Variants in FAM210A observed in about 807,000 individuals in gnomAD.
FAM210A encodes the protein family with sequence similarity 210 member A.
In FAM210A, 13 loss-of-function variants were observed where a neutral mutation model predicts 25.3. That is an observed-to-expected ratio of 0.51 (90% confidence interval 0.33 to 0.82). The LOEUF (loss-of-function observed/expected upper bound fraction) is 0.82. FAM210A is among the 40% of genes least tolerant of loss of function. The pLI is 0.02. For missense variants in FAM210A, 319 were observed against 323.2 expected (o/e 0.99, Z 0.10); for synonymous variants, 125 against 118.7 (o/e 1.05, Z -0.35).
intron 2 of FAM210A, among the ~76,000 whole-genome samples, chr18:13,676,641 T>C (rs2149054671): frequency 6.6e-6 from 1 of 152,354 alleles, no homozygotes; most frequent in South Asian, 2.1e-4. Context: ...CTACAGTTAA[T>C]ATATAATCTA....
At position 13,681,875 on chromosome 18, in the gene FAM210A, C is replaced by T. The variant is rs377543711; in HGVS notation, c.203G>A (p.Arg68Lys). 4 of 1,614,086 alleles carry T rather than the reference C, an allele frequency of 2.5e-6. No homozygotes were observed. The African/African-American group carries it at 5.3e-5, about 22-fold the overall frequency. Residue 68 changes from arginine to lysine, a missense_variant, in exon 2 of 4, where the codon AGG becomes AAG. By Grantham distance (26) the Arg-to-Lys change is conservative (BLOSUM62 2). Transcript: ENST00000651643. ...GGGTGGATGAGCATCCAATGGCCTC[C>T]TTTCCTTTGCAACACACTGGGCAGC... The part of the protein sequence containing the change: ...LSAAQCVAKE[R>K]RPLDAHPPQP...
chr18:13,699,103 C>A (rs1382070816), intron 1 of FAM210A, among the ~76,000 whole-genome samples: 1 of 152,176 alleles, frequency 6.6e-6, no homozygotes, highest in African/African-American at 2.4e-5. Context: ...CACCGCCTGG[C>A]CTCAATCTCT....
chr18:13,682,053 C>A lies in FAM210A; in HGVS notation c.25G>T (p.Val9Leu). 1.2e-6 allele frequency: 2 copies of A among 1,607,346 alleles called. No individual in the cohort carries two copies. Among genetic ancestry groups the A allele is most frequent in the South Asian group, 1.1e-5 (1 of 89,888 alleles). MQWNVPRTVSRLARRTCLE... is the reference protein window; with the variant it reads MQWNVPRTLSRLARRTCLE... ...CATGTCCTGCGTGCCAGTCGAGATA[C>A]AGTCCGTGGTACATTCCATTGCATT... The change falls in exon 2 of 4, where the codon GTA (valine) becomes TTA (leucine). Residue 9 changes from valine to leucine, a missense_variant. Physicochemically the swap from Val to Leu is conservative, Grantham distance 32. Transcript: ENST00000651643.
chr18:13,693,979 A>G (rs1467795184), intron 1 of FAM210A, among the ~76,000 whole-genome samples: 1 of 152,214 alleles, frequency 6.6e-6, no homozygotes, highest in African/African-American at 2.4e-5. Flanking sequence ...AGATTTAGAA[A>G]ACCCCATCGT....
At chr18:13,702,158 C>T (rs1378570907) in intron 1 of FAM210A, among the ~76,000 whole-genome samples, 1 of 152,238 alleles carries the variant, frequency 6.6e-6, no homozygotes, top group Non-Finnish European at 1.5e-5. Flanking sequence ...ACTCAGAAGC[C>T]TGGCATGCCA....
At chr18:13,694,382 G>A (rs1005964698) in intron 1 of FAM210A, among the ~76,000 whole-genome samples, 2 of 152,070 alleles carry the variant, frequency 1.3e-5, no homozygotes, top group African/African-American at 4.8e-5. Context: ...AGTTCATATG[G>A]AACCAAAAAA....
intron 2 of FAM210A, among the ~76,000 whole-genome samples, chr18:13,676,567 G>A (rs1415840441): frequency 1.3e-5 from 2 of 152,062 alleles, no homozygotes; most frequent in Non-Finnish European, 2.9e-5. Context: ...GTGACCCTTC[G>A]CCCCTAAATC....
chr18:13,713,596 G>C lies in FAM210A; in HGVS notation c.-29+12733C>G, dbSNP rs564211165. ...GGTGAGTGAGCACAGACCATCAAAC[G>C]ATGTCTGAGGACAGAGGAAGCAGCT... On this transcript the variant is annotated intron_variant, in intron 1 of 3. Transcript: ENST00000651643. Among the ~76,000 whole-genome samples, 157 of 152,264 alleles carry C rather than the reference G, an allele frequency of 1.0e-3. 2 individuals are homozygous for C. In the South Asian group the frequency reaches 0.031, roughly 31 times the overall value.
intron 1 of FAM210A, among the ~76,000 whole-genome samples, chr18:13,707,127 A>G (rs1209977839): frequency 1.3e-5 from 2 of 152,256 alleles, no homozygotes; most frequent in African/African-American, 4.8e-5. Context: ...TGCAGCCATG[A>G]GGACACCATA....
At position 13,680,584 on chromosome 18, in the gene FAM210A, T is replaced by C. The variant is rs1166591492; in HGVS notation, c.473+1021A>G. 3.9e-5 allele frequency among the ~76,000 whole-genome samples: 6 copies of C among 152,246 alleles called. No homozygotes were observed. In the East Asian group the frequency reaches 1.2e-3, roughly 29 times the overall value. On this transcript the variant is annotated intron_variant, in intron 2 of 3. Coordinates refer to ENST00000651643, the MANE Select transcript of FAM210A (RefSeq NM_152352.4). ...CCTGGAAGAGCTACTTATAGCTTAG[T>C]CTGCAATAGGCTGCTTCTAAAGAGT...
intron 1 of FAM210A, among the ~76,000 whole-genome samples, chr18:13,690,966 G>C (rs111333362): frequency 2.3e-4 from 35 of 152,272 alleles, no homozygotes; most frequent in African/African-American, 6.7e-4. Flanking sequence ...CCAAGCTAAA[G>C]GAAGATGTTC....
At chr18:13,696,330 C>T (rs1193119143) in intron 1 of FAM210A, among the ~76,000 whole-genome samples, 1 of 152,126 alleles carries the variant, frequency 6.6e-6, no homozygotes, top group Non-Finnish European at 1.5e-5. Context: ...TATTAGACTT[C>T]ACCAAAAAGC....
chr18:13,712,518 G>T (rs2043829592), intron 1 of FAM210A, among the ~76,000 whole-genome samples: 1 of 152,170 alleles, frequency 6.6e-6, no homozygotes, highest in African/African-American at 2.4e-5. Flanking sequence ...TTAGGAGGTA[G>T]GGCTTTCGGG....
intron 1 of FAM210A, among the ~76,000 whole-genome samples, chr18:13,707,547 G>C (rs1270637227): frequency 6.6e-6 from 1 of 152,164 alleles, no homozygotes; most frequent in South Asian, 2.1e-4. Flanking sequence ...ATTTATGATG[G>C]TAATAGTGAC....
intron 1 of FAM210A, among the ~76,000 whole-genome samples, chr18:13,706,353 G>GC (rs567867969): frequency 2.1e-5 from 1 of 47,220 alleles, no homozygotes; most frequent in Non-Finnish European, 6.2e-5. Flanking sequence ...AAATGAAAAT[G>GC]GGGGGGGGTC....
chr18:13,711,960 G>A (rs1464700775), intron 1 of FAM210A, among the ~76,000 whole-genome samples: 2 of 152,116 alleles, frequency 1.3e-5, no homozygotes, highest in Non-Finnish European at 2.9e-5. Flanking sequence ...CTTGTACTCA[G>A]CAATTTATCA....
chr18:13,706,598 G>T (rs904628575), intron 1 of FAM210A, among the ~76,000 whole-genome samples: 1 of 152,180 alleles, frequency 6.6e-6, no homozygotes, highest in Admixed American at 6.5e-5. Flanking sequence ...TCTTCTAGAA[G>T]GGCAATGTTT....
At chr18:13,697,816 C>T (rs2043706895) in intron 1 of FAM210A, 1 of 152,000 alleles carries the variant, frequency 6.6e-6, no homozygotes, top group South Asian at 2.1e-4. Flanking sequence ...TAGAAGCAAC[C>T]AAGATGTCCT....
intron 1 of FAM210A, among the ~76,000 whole-genome samples, chr18:13,724,226 TTCTGAAAAA>T (rs1473897262): frequency 2.0e-5 from 3 of 152,204 alleles, no homozygotes; most frequent in Admixed American, 2.0e-4. Context: ...TCAAAACACT[TTCTGAAAAA>T]TCTACTATTT....
Sources: gnomAD v4.1 joint callset for allele counts (sites outside exome capture counted in the v4.1 genomes callset) on GRCh38, gnomAD v4.1.1 for gene constraint, MANE v1.5 for transcripts, NCBI Gene and HGNC (gene_info 2026-07-23, HGNC 2026-07-21) for gene names.